The following MGAT5 variants were observed in gnomAD, a reference collection of about 807,000 sequenced individuals.
MGAT5 encodes alpha-1,6-mannosylglycoprotein 6-beta-N-acetylglucosaminyltransferase A.
Under a neutral mutation model 94.3 loss-of-function variants are expected in MGAT5, and 30 were observed. That is an observed-to-expected ratio of 0.32 (90% CI 0.24 to 0.43). The LOEUF is 0.43. Ranked by LOEUF, MGAT5 falls within the 20% of genes least tolerant of loss-of-function variation. The pLI, the probability that MGAT5 is intolerant of heterozygous loss-of-function variation, is 1.00. For missense variants in MGAT5, 691 were observed against 905.5 expected, an observed-to-expected ratio of 0.76 and a Z score of 3.04; for synonymous variants, 310 against 322.9, an observed-to-expected ratio of 0.96 and a Z score of 0.43.
At chr2:134,381,401 G>GATAGATAGATAC in intron 10 of MGAT5, among the ~76,000 whole-genome samples, 1 of 112,116 alleles carries the variant, frequency 8.9e-6, no homozygotes, top group Non-Finnish European at 1.8e-5. Context: ...TAGATAGATA[G>GATAGATAGATAC]ATAGATAGAT....
intron 2 of MGAT5, among the ~76,000 whole-genome samples, chr2:134,293,432 C>T (rs1212396281): frequency 6.6e-6 from 1 of 151,922 alleles, no homozygotes; most frequent in African/African-American, 2.4e-5. Flanking sequence ...TTCCTCCCTT[C>T]CTTTTCTTAT....
At chr2:134,242,736 G>A (rs1682037509) in intron 1 of MGAT5, among the ~76,000 whole-genome samples, 1 of 152,194 alleles carries the variant, frequency 6.6e-6, no homozygotes, top group African/African-American at 2.4e-5. Context: ...TTATAGAGGT[G>A]CTAGTTGCTA....
chr2:134,294,169 C>T (rs1471151676), intron 2 of MGAT5, among the ~76,000 whole-genome samples: 1 of 152,160 alleles, frequency 6.6e-6, no homozygotes, highest in Non-Finnish European at 1.5e-5. Flanking sequence ...GGCTATTCTG[C>T]ACTGTTTTAG....
chr2:134,305,555 T>C (rs1452489581), intron 2 of MGAT5, among the ~76,000 whole-genome samples: 1 of 152,192 alleles, frequency 6.6e-6, no homozygotes, highest in Non-Finnish European at 1.5e-5. Flanking sequence ...ATAAACTACA[T>C]GTATGGCTTT....
intron 14 of MGAT5, among the ~76,000 whole-genome samples, chr2:134,439,646 G>A (rs537173861): frequency 1.3e-5 from 2 of 152,232 alleles, no homozygotes; most frequent in African/African-American, 4.8e-5. Flanking sequence ...GCAGGGAACC[G>A]AGATCGCACC....
Position 134,254,421 on chromosome 2 carries a change from G to A in MGAT5, c.18G>A (p.Pro6=), listed in dbSNP as rs757666834. The A allele has an allele frequency of 5.6e-6, 9 of 1,614,104 alleles. No homozygotes were observed. Among genetic ancestry groups the A allele is most frequent in the African/African-American group, 4.0e-5 (3 of 74,932 alleles). The part of the protein sequence containing the change: MALFT[P]WKLSSQKLGF... Reference sequence around the variant, plus strand: ...AGAGAGCAATGGCTCTCTTCACTCCGTGGAAGTTGTCCTCTCAGAAGCTGG... The same window carrying A: ...AGAGAGCAATGGCTCTCTTCACTCCATGGAAGTTGTCCTCTCAGAAGCTGG... The change falls in exon 1 of 16, where the codon CCG becomes CCA. Residue 6 remains proline (P), a synonymous_variant. Coordinates refer to ENST00000281923, the MANE Select transcript of MGAT5 (RefSeq NM_002410.5).
At position 134,349,146 on chromosome 2, in the gene MGAT5, G is replaced by T. The variant is rs77763604; in HGVS notation, c.1113-659G>T. On this transcript the variant is annotated intron_variant, in intron 8 of 15. Coordinates refer to ENST00000281923, the MANE Select transcript of MGAT5 (RefSeq NM_002410.5). The stretch of plus-strand genomic sequence containing the variant: ...AAATATTATTCTAAGCTCACAGACC[G>T]TACAAAAATAGGCGGTAGACCAGAT... Among the ~76,000 whole-genome samples, 4 of 152,208 alleles carry T rather than the reference G, an allele frequency of 2.6e-5. No homozygotes were observed. In the South Asian group the frequency reaches 8.3e-4, roughly 32 times the overall value.
At chr2:134,300,421 ACT>A (rs1342284409) in intron 2 of MGAT5, among the ~76,000 whole-genome samples, 3 of 152,014 alleles carry the variant, frequency 2.0e-5, no homozygotes, top group East Asian at 3.9e-4. Context: ...AGTACTAGTG[ACT>A]CTTTCTGCAC....
At chr2:134,444,030 G>A (rs1685637643) in intron 15 of MGAT5, among the ~76,000 whole-genome samples, 1 of 152,198 alleles carries the variant, frequency 6.6e-6, no homozygotes, top group Non-Finnish European at 1.5e-5. Flanking sequence ...CCACCTCCAG[G>A]CCAGGGTCCA....
At chr2:134,175,243 T>A (rs1219132179) in intron 1 of MGAT5, among the ~76,000 whole-genome samples, 1 of 152,238 alleles carries the variant, frequency 6.6e-6, no homozygotes, top group Non-Finnish European at 1.5e-5. Context: ...ATTTCAAATA[T>A]CCACACAAGT....
intron 10 of MGAT5, among the ~76,000 whole-genome samples, chr2:134,391,272 A>T (rs1227250768): frequency 6.6e-6 from 1 of 152,146 alleles, no homozygotes; most frequent in East Asian, 1.9e-4. Flanking sequence ...GGAGCTCTTC[A>T]AAAGGGGTCT....
At chr2:134,124,096 GCTGTGCA>G (rs1375587282) in intron 1 of MGAT5, among the ~76,000 whole-genome samples, 2 of 152,200 alleles carry the variant, frequency 1.3e-5, no homozygotes, top group East Asian at 3.9e-4. Context: ...TCTGCCATGT[GCTGTGCA>G]CTGGGCTGGT....
chr2:134,355,532 T>G (rs1679678368), intron 9 of MGAT5, among the ~76,000 whole-genome samples: 1 of 152,256 alleles, frequency 6.6e-6, no homozygotes. Flanking sequence ...ATTATTTAAC[T>G]GTGCATACGG....
chr2:134,127,260 C>T (rs1484170269), intron 1 of MGAT5: 1 of 154,606 alleles, frequency 6.5e-6, no homozygotes. Context: ...ATCTTGATTG[C>T]CTTCCCTCTG....
chr2:134,196,458 C>G (rs1028807979), intron 1 of MGAT5, among the ~76,000 whole-genome samples: 1 of 150,518 alleles, frequency 6.6e-6, no homozygotes, highest in South Asian at 2.1e-4. Context: ...CTTTAAAATA[C>G]GTGTTTTGTT....
chr2:134,233,384 A>AT (rs1212458156), intron 1 of MGAT5, among the ~76,000 whole-genome samples: 3 of 152,184 alleles, frequency 2.0e-5, no homozygotes, highest in African/African-American at 4.8e-5. Context: ...AATGCTAGGA[A>AT]TTGGGCTAGT....
At chr2:134,262,116 C>T (rs1391923030) in intron 1 of MGAT5, among the ~76,000 whole-genome samples, 8 of 152,304 alleles carry the variant, frequency 5.3e-5, no homozygotes, top group African/African-American at 1.7e-4. Context: ...GTAAAACAGA[C>T]AATATAATAT....
intron 1 of MGAT5, among the ~76,000 whole-genome samples, chr2:134,166,582 G>T (rs1687973738): frequency 6.6e-6 from 1 of 152,174 alleles, no homozygotes; most frequent in Non-Finnish European, 1.5e-5. Flanking sequence ...CTGGCATTAA[G>T]TGCGAGATTA....
Position 134,293,018 on chromosome 2 carries a change from G to T in MGAT5, c.406+22468G>T, listed in dbSNP as rs561109874. Among the ~76,000 whole-genome samples, 7 of 152,296 alleles carry T rather than the reference G, an allele frequency of 4.6e-5. No individual in the cohort carries two copies. The East Asian group carries it at 1.3e-3, about 29-fold the overall frequency. ...ATAGGGCAAATGCATTGTTGTCACT[G>T]GGAAAAATAGCTAGCAAGCATGCCT... On this transcript the variant is annotated intron_variant, in intron 2 of 15. Transcript: ENST00000281923.
Sources: gnomAD v4.1 joint callset for allele counts (sites outside exome capture counted in the v4.1 genomes callset) on GRCh38, gnomAD v4.1.1 for gene constraint, MANE v1.5 for transcripts, NCBI Gene and HGNC (gene_info 2026-07-23, HGNC 2026-07-21) for gene names.